The following DPP6 variants were observed in gnomAD, a reference collection of about 807,000 sequenced individuals.
DPP6 encodes the protein A-type potassium channel modulatory protein DPP6.
In DPP6, 69 loss-of-function variants were observed where a neutral mutation model predicts 122.6. That is an observed-to-expected ratio of 0.56 (90% CI 0.46 to 0.69). DPP6 has a LOEUF of 0.69. Ranked by LOEUF, DPP6 falls within the 30% of genes least tolerant of loss-of-function variation. The probability of loss-of-function intolerance (pLI) is 0.00; values close to 1 mark genes in which losing one functional copy is unlikely to be tolerated. For missense variants in DPP6, 928 were observed against 1,116.9 expected (o/e 0.83, Z 2.41); for synonymous variants, 418 against 433.1 (o/e 0.97, Z 0.43).
In DPP6 at chr7:153,900,062, C is replaced by T. The variant is rs117115175; in HGVS notation, c.51+12328C>T. Among the ~76,000 whole-genome samples the T allele has an allele frequency of 5.7e-3, 861 of 152,270 alleles. 12 individuals carry two copies. The highest frequency in any genetic ancestry group is 0.037 in the East Asian group (193 of 5,166). On this transcript the variant is annotated intron_variant, in intron 1 of 25. Transcript: ENST00000404039. The stretch of plus-strand genomic sequence containing the variant: ...GCATCAGCTGGGAGCTTTAGAAGAA[C>T]AAAATCTTGAGCCCACCCAGACCTA...
chr7:154,082,856 T>C (rs1301589804), intron 1 of DPP6, among the ~76,000 whole-genome samples: 6 of 144,284 alleles, frequency 4.2e-5, no homozygotes, highest in Non-Finnish European at 7.6e-5. Context: ...CTTTTTTTTT[T>C]TTTTTTTTTT....
intron 10 of DPP6, among the ~76,000 whole-genome samples, chr7:154,784,343 GC>G (rs1439619939): frequency 6.6e-6 from 1 of 152,040 alleles, no homozygotes; most frequent in African/African-American, 2.4e-5. Flanking sequence ...ACCTTACCAA[GC>G]CCCCACCCTT....
intron 1 of DPP6, among the ~76,000 whole-genome samples, chr7:154,252,201 C>G (rs906980192): frequency 6.9e-6 from 1 of 145,514 alleles, no homozygotes; most frequent in Non-Finnish European, 1.5e-5. Context: ...AAATCATGGC[C>G]TCACAATGTC....
intron 3 of DPP6, among the ~76,000 whole-genome samples, chr7:154,512,937 C>T (rs1382899110): frequency 6.6e-6 from 1 of 152,152 alleles, no homozygotes; most frequent in Non-Finnish European, 1.5e-5. Context: ...TTCTTACCTG[C>T]AGGAACAGGA....
intron 1 of DPP6, among the ~76,000 whole-genome samples, chr7:154,133,872 C>T (rs1341642777): frequency 2.7e-5 from 4 of 150,256 alleles, no homozygotes; most frequent in Non-Finnish European, 4.4e-5. Context: ...CCCACAGGAC[C>T]GAGTGAGTCT....
chr7:154,585,829 A>G (rs1277295963), intron 5 of DPP6, among the ~76,000 whole-genome samples: 9 of 152,038 alleles, frequency 5.9e-5, no homozygotes, highest in Admixed American at 5.9e-4. Flanking sequence ...AGATCTCACA[A>G]TACTCAGGGC....
chr7:154,754,470 TG>T (rs1272426816), intron 8 of DPP6, among the ~76,000 whole-genome samples: 1 of 152,206 alleles, frequency 6.6e-6, no homozygotes, highest in East Asian at 1.9e-4. Context: ...TTTAACTTTC[TG>T]GTGAATATTA....
chr7:154,031,931 G>A (rs1197978319), intron 1 of DPP6, among the ~76,000 whole-genome samples: 3 of 147,520 alleles, frequency 2.0e-5, no homozygotes, highest in South Asian at 2.1e-4. Context: ...GCACAATCTC[G>A]GCTCACTGCA....
chr7:154,828,241 C>A (rs1584817858), intron 16 of DPP6, among the ~76,000 whole-genome samples: 1 of 152,114 alleles, frequency 6.6e-6, no homozygotes, highest in South Asian at 2.1e-4. Flanking sequence ...TCAGGGATTC[C>A]TTCTCAAATG....
chr7:154,559,724 A>G (rs1378373964), intron 4 of DPP6, among the ~76,000 whole-genome samples: 1 of 151,886 alleles, frequency 6.6e-6, no homozygotes, highest in African/African-American at 2.4e-5. Context: ...AAACACTGTC[A>G]GTCTACAGTT....
rs62484257 is a variant in DPP6, at chr7:154,008,978, C to G, written c.51+121244C>G. The stretch of plus-strand genomic sequence containing the variant: ...CCGCGCCCGGCCAGGAATATTATTT[C>G]TAACTCACAAGAGTTCTTCTGCATG... On this transcript the variant is annotated intron_variant, in intron 1 of 25. Coordinates refer to the DPP6 transcript ENST00000404039. Among the ~76,000 whole-genome samples the G allele has an allele frequency of 6.0e-3, 826 of 137,398 alleles. 4 individuals are homozygous for G. The highest frequency in any genetic ancestry group is 8.1e-3 in the Non-Finnish European group (518 of 64,102). 90.1% of individuals were successfully genotyped at this position (137,398 alleles called of 152,430 possible).
the DPP6 span, among the ~76,000 whole-genome samples, chr7:153,837,837 ATTTTTTTT>A: frequency 3.7e-5 from 3 of 80,630 alleles, no homozygotes; most frequent in Admixed American, 3.1e-4. Context: ...TGCCTGGTTA[ATTTTTTTT>A]TTTTTTTTTT....
chr7:154,284,715 C>T lies in DPP6; in HGVS notation c.244-161499C>T, dbSNP rs147833256. 1.1e-4 allele frequency among the ~76,000 whole-genome samples: 17 copies of T among 152,226 alleles called. No homozygotes were observed. The East Asian group carries it at 1.9e-3, about 17-fold the overall frequency. On this transcript the variant is annotated intron_variant, in intron 1 of 25. Transcript: ENST00000377770. ...ACTAAAAATACAAAAATTAGCCGGGCGTGGTGGTGTGCACCTGTAACCCCA... is the reference window on the plus strand; with the variant it reads ...ACTAAAAATACAAAAATTAGCCGGGTGTGGTGGTGTGCACCTGTAACCCCA...
At chr7:154,268,533 C>G (rs1025600990) in intron 1 of DPP6, among the ~76,000 whole-genome samples, 2 of 152,194 alleles carry the variant, frequency 1.3e-5, no homozygotes, top group African/African-American at 4.8e-5. Context: ...CTTCCGGAGG[C>G]CTTGCCTCCT....
At chr7:154,453,990 C>T (rs1820610583) in intron 2 of DPP6, among the ~76,000 whole-genome samples, 1 of 152,126 alleles carries the variant, frequency 6.6e-6, no homozygotes, top group Non-Finnish European at 1.5e-5. Context: ...AAAAGTAATG[C>T]ATACCTCCTA....
At chr7:154,598,980 G>C (rs570671565) in intron 5 of DPP6, among the ~76,000 whole-genome samples, 2 of 152,258 alleles carry the variant, frequency 1.3e-5, no homozygotes, top group South Asian at 4.1e-4. Flanking sequence ...CCTGGGGAGA[G>C]CTTGCTATTG....
intron 1 of DPP6, among the ~76,000 whole-genome samples, chr7:154,343,244 A>G (rs1373946277): frequency 1.3e-5 from 2 of 152,228 alleles, no homozygotes; most frequent in African/African-American, 2.4e-5. Flanking sequence ...CAGATGAGAA[A>G]ACCAAGATTC....
At chr7:153,872,194 T>C in the DPP6 span, among the ~76,000 whole-genome samples, 2 of 152,232 alleles carry the variant, frequency 1.3e-5, no homozygotes, top group Non-Finnish European at 1.5e-5. Context: ...ACTGGGTACA[T>C]GTACAGAATG....
At chr7:153,844,616 T>G in the DPP6 span, among the ~76,000 whole-genome samples, 1 of 152,218 alleles carries the variant, frequency 6.6e-6, no homozygotes, top group Non-Finnish European at 1.5e-5. Flanking sequence ...AATTTAAAGA[T>G]GTAAAAAGCA....
Sources: gnomAD v4.1 joint callset for allele counts (sites outside exome capture counted in the v4.1 genomes callset) on GRCh38, gnomAD v4.1.1 for gene constraint, MANE v1.5 for transcripts, NCBI Gene and HGNC (gene_info 2026-07-23, HGNC 2026-07-21) for gene names.